Variants in SEL1L2 observed in about 807,000 individuals in gnomAD.
SEL1L2 encodes the protein SEL1L2 adaptor subunit of SYVN1 ubiquitin ligase, also known as protein sel-1 homolog 2.
In SEL1L2, 89 loss-of-function variants were observed where a neutral mutation model predicts 98.8. The ratio of observed to expected loss-of-function variants is 0.90; its 90% CI spans 0.76 to 1.07. SEL1L2 has a LOEUF of 1.07. Among genes scored for constraint, SEL1L2 ranks in the 50% least tolerant of loss-of-function variants. The probability of loss-of-function intolerance (pLI) is 0.00; values close to 1 mark genes in which losing one functional copy is unlikely to be tolerated. For synonymous variants in SEL1L2, 262 were observed against 278.5 expected (o/e 0.94, Z 0.59); for missense variants, 788 against 812.0 (o/e 0.97, Z 0.36).
intron 1 of SEL1L2, among the ~76,000 whole-genome samples, chr20:13,980,290 A>C (rs1338854457): frequency 6.6e-6 from 1 of 152,230 alleles, no homozygotes; most frequent in East Asian, 1.9e-4. Context: ...ATCTCAGCCC[A>C]CTGCAACCTC....
chr20:13,865,134 G>A lies in SEL1L2; in HGVS notation c.1645+33C>T, dbSNP rs777054109. Reference sequence around the variant, plus strand: ...TGATGAATAACAGAGGACAGGGACCGGGTATGTGCTTATTTTTATCTGGGT... The same window carrying A: ...TGATGAATAACAGAGGACAGGGACCAGGTATGTGCTTATTTTTATCTGGGT... On this transcript the variant is annotated intron_variant, in intron 17 of 19. Transcript: ENST00000284951. 1.3e-5 allele frequency: 20 copies of A among 1,538,928 alleles called. No individual in the cohort carries two copies. The African/African-American group carries it at 1.8e-4, about 14-fold the overall frequency.
chr20:13,958,561 G>A (rs1186779846), intron 1 of SEL1L2, among the ~76,000 whole-genome samples: 1 of 152,122 alleles, frequency 6.6e-6, no homozygotes, highest in Admixed American at 6.5e-5. Flanking sequence ...TCGTAAAGCA[G>A]CAAAGACAAC....
intron 5 of SEL1L2, among the ~76,000 whole-genome samples, chr20:13,888,801 G>A (rs976425618): frequency 7.2e-5 from 6 of 83,640 alleles, no homozygotes; most frequent in East Asian, 9.9e-4. Flanking sequence ...ACCACGCCCC[G>A]CTATTTTTTT....
intron 18 of SEL1L2, among the ~76,000 whole-genome samples, chr20:13,856,421 T>C (rs534075799): frequency 5.3e-5 from 8 of 152,156 alleles, no homozygotes; most frequent in Non-Finnish European, 1.2e-4. Context: ...TGAGCCACCA[T>C]GCCTGGCCCT....
intron 1 of SEL1L2, among the ~76,000 whole-genome samples, chr20:13,979,348 T>C (rs908535151): frequency 1.6e-4 from 24 of 152,176 alleles, no homozygotes; most frequent in African/African-American, 5.1e-4. Context: ...TATGGTACTA[T>C]AGGATAAATA....
chr20:13,880,971 T>C (rs1276267071), intron 10 of SEL1L2, among the ~76,000 whole-genome samples: 2 of 152,208 alleles, frequency 1.3e-5, no homozygotes, highest in African/African-American at 4.8e-5. Flanking sequence ...TCCCCTAGAA[T>C]GAAATGCCAA....
chr20:13,993,472 G>T (rs116018895), upstream of SEL1L2, among the ~76,000 whole-genome samples: 741 of 152,296 alleles, frequency 4.9e-3, 5 homozygotes, highest in African/African-American at 0.017. Context: ...ATGGTATTTT[G>T]TCAGAGTGAT....
At chr20:13,889,551 G>A (rs1314160549) in intron 5 of SEL1L2, among the ~76,000 whole-genome samples, 1 of 152,078 alleles carries the variant, frequency 6.6e-6, no homozygotes, top group Non-Finnish European at 1.5e-5. Flanking sequence ...CAGCACTTTG[G>A]GAGGCTGAGG....
At chr20:13,853,173 C>T (rs1379422955) in intron 18 of SEL1L2, among the ~76,000 whole-genome samples, 2 of 152,084 alleles carry the variant, frequency 1.3e-5, no homozygotes, top group South Asian at 2.1e-4. Flanking sequence ...AAATAATATG[C>T]AGTGTCCTAA....
intron 1 of SEL1L2, among the ~76,000 whole-genome samples, chr20:13,964,565 G>A (rs1358745795): frequency 6.7e-6 from 1 of 148,300 alleles, no homozygotes; most frequent in Non-Finnish European, 1.5e-5. Flanking sequence ...CGATTCTCCT[G>A]CCTCAGCCTC....
Position 13,931,787 on chromosome 20 carries a change from C to T in SEL1L2, c.115-16G>A. On this transcript the variant is annotated splice_polypyrimidine_tract_variant and intron_variant, in intron 2 of 19. Transcript: ENST00000284951. ...TCACTGATACCTACAAAGAAAAAGA[C>T]TGTTGCTCATTTTGTTCATGTGTGA... 2.0e-6 allele frequency: 3 copies of T among 1,487,768 alleles called. No homozygotes were observed. Among genetic ancestry groups the T allele is most frequent in the Middle Eastern group, 1.8e-4 (1 of 5,520 alleles). The allele number at this position is 1,487,768 out of a possible 1,614,324, so 92.2% of individuals were successfully genotyped here.
intron 1 of SEL1L2, among the ~76,000 whole-genome samples, chr20:13,979,249 TAGGA>T (rs2051694425): frequency 6.6e-6 from 1 of 151,886 alleles, no homozygotes; most frequent in Non-Finnish European, 1.5e-5. Flanking sequence ...TATTAGATAA[TAGGA>T]AGGATGGGAA....
At chr20:13,907,590 A>G (rs755655542) in intron 5 of SEL1L2, among the ~76,000 whole-genome samples, 5 of 152,104 alleles carry the variant, frequency 3.3e-5, no homozygotes, top group Non-Finnish European at 7.4e-5. Flanking sequence ...AACCCAGAAA[A>G]TAATTGCCAC....
chr20:13,988,099 C>A (rs139170330), intron 1 of SEL1L2, among the ~76,000 whole-genome samples: 56 of 152,156 alleles, frequency 3.7e-4, no homozygotes, highest in African/African-American at 1.3e-3. Context: ...AGTTTTAAAT[C>A]TTTAGCTATA....
chr20:13,910,010 A>G (rs1188207116), intron 5 of SEL1L2, among the ~76,000 whole-genome samples: 5 of 152,034 alleles, frequency 3.3e-5, no homozygotes, highest in Non-Finnish European at 7.4e-5. Context: ...AACAACAACA[A>G]CAACAAACCG....
chr20:13,870,074 T>C (rs2046109887), intron 13 of SEL1L2, 67 bp downstream of exon 13: 2 of 1,137,980 alleles, frequency 1.8e-6, no homozygotes, highest in South Asian at 1.3e-5. Flanking sequence ...TTTAAACTAA[T>C]GAATGACCAT....
In SEL1L2 at chr20:13,886,349, A is replaced by C; in HGVS notation, c.839T>G (p.Leu280Trp). ...ATAGTATTGGTATATGTCCCAATCC[A>C]AAATCTCACTGTTAGAACTCAGATT... ...PENLSSNSEILDWDIYQYYKF... is the reference protein window; with the variant it reads ...PENLSSNSEIWDWDIYQYYKF... The change falls in exon 9 of 20, where the codon TTG becomes TGG. Residue 280 changes from leucine to tryptophan, a missense_variant. Coordinates refer to ENST00000284951, the MANE Select transcript of SEL1L2 (RefSeq NM_025229.2). 1 of 1,613,488 alleles carries C rather than the reference A, an allele frequency of 6.2e-7. No individual in the cohort carries two copies. Among genetic ancestry groups the C allele is most frequent in the Non-Finnish European group, 8.5e-7 (1 of 1,179,414 alleles).
At chr20:13,951,316 A>G (rs943932684) in intron 2 of SEL1L2, among the ~76,000 whole-genome samples, 31 of 85,502 alleles carry the variant, frequency 3.6e-4, no homozygotes, top group Non-Finnish European at 7.3e-4. Context: ...AAGAAAGAAA[A>G]TACTGATTAG....
intron 1 of SEL1L2, among the ~76,000 whole-genome samples, chr20:13,987,823 T>C (rs929062117): frequency 8.5e-5 from 13 of 152,202 alleles, no homozygotes; most frequent in Non-Finnish European, 1.8e-4. Flanking sequence ...CATTTTTAAA[T>C]TGGGTTGTCA....
Sources: gnomAD v4.1 joint callset for allele counts (sites outside exome capture counted in the v4.1 genomes callset) on GRCh38, gnomAD v4.1.1 for gene constraint, MANE v1.5 for transcripts, NCBI Gene and HGNC (gene_info 2026-07-23, HGNC 2026-07-21) for gene names.